The following CNTNAP5 variants were observed in gnomAD, a reference collection of about 807,000 sequenced individuals.
CNTNAP5 encodes contactin associated protein family member 5.
A neutral mutation model predicts 150.2 loss-of-function variants in CNTNAP5; 72 were observed. That is an observed-to-expected ratio of 0.48 (90% confidence interval 0.40 to 0.58). The LOEUF (loss-of-function observed/expected upper bound fraction) is 0.58, where lower values mean the gene tolerates loss of function less well. CNTNAP5 is among the 20% of genes least tolerant of loss of function. CNTNAP5 has a pLI of 0.00. For missense variants in CNTNAP5, 1,636 were observed against 1,626.2 expected, an observed-to-expected ratio of 1.01 and a Z score of -0.10; for synonymous variants, 672 against 619.8, an observed-to-expected ratio of 1.08 and a Z score of -1.25.
At chr2:124,609,246 A>G (rs1677318923) in intron 11 of CNTNAP5, among the ~76,000 whole-genome samples, 1 of 152,166 alleles carries the variant, frequency 6.6e-6, no homozygotes, top group African/African-American at 2.4e-5. Flanking sequence ...CCACATTTTG[A>G]GAGGCATTAC....
At chr2:124,040,709 C>A (rs1050137114) in intron 1 of CNTNAP5, among the ~76,000 whole-genome samples, 1 of 150,046 alleles carries the variant, frequency 6.7e-6, no homozygotes, top group Admixed American at 6.7e-5. Flanking sequence ...TGGTAGAGAG[C>A]TTTTAATATA....
chr2:124,555,868 G>T (rs1462768205), intron 10 of CNTNAP5, among the ~76,000 whole-genome samples: 7 of 152,184 alleles, frequency 4.6e-5, no homozygotes, highest in African/African-American at 1.7e-4. Context: ...TTTCCCATTG[G>T]GAATTTGTAG....
At chr2:124,388,141 A>G (rs1428602951) in intron 3 of CNTNAP5, among the ~76,000 whole-genome samples, 1 of 152,220 alleles carries the variant, frequency 6.6e-6, no homozygotes, top group Non-Finnish European at 1.5e-5. Flanking sequence ...TTAACTCCCC[A>G]TGCTTTCAGA....
At chr2:124,629,759 T>A (rs567846627) in intron 12 of CNTNAP5, among the ~76,000 whole-genome samples, 24 of 141,292 alleles carry the variant, frequency 1.7e-4, no homozygotes, top group Non-Finnish European at 2.4e-4. Flanking sequence ...AAATAATCAA[T>A]GGATCCAGGA....
chr2:124,281,766 C>T (rs1688017959), intron 3 of CNTNAP5, among the ~76,000 whole-genome samples: 1 of 152,046 alleles, frequency 6.6e-6, no homozygotes, highest in Admixed American at 6.6e-5. Flanking sequence ...TGTTGCTGAC[C>T]GACTACGGAA....
At chr2:124,181,003 G>A (rs571004379) in intron 1 of CNTNAP5, among the ~76,000 whole-genome samples, 2 of 151,652 alleles carry the variant, frequency 1.3e-5, no homozygotes, top group East Asian at 3.9e-4. Flanking sequence ...TTCTGTAAGA[G>A]AATGTGAAGG....
intron 1 of CNTNAP5, among the ~76,000 whole-genome samples, chr2:124,051,641 G>A (rs930757151): frequency 6.6e-6 from 1 of 152,158 alleles, no homozygotes; most frequent in Admixed American, 6.5e-5. Flanking sequence ...GTGGTGGTGG[G>A]GGCTTACATA....
At chr2:124,292,725 A>G (rs1312623744) in intron 3 of CNTNAP5, among the ~76,000 whole-genome samples, 3 of 152,108 alleles carry the variant, frequency 2.0e-5, no homozygotes, top group African/African-American at 7.2e-5. Context: ...GAAATATGTT[A>G]AAAACCTTAT....
intron 2 of CNTNAP5, among the ~76,000 whole-genome samples, chr2:124,240,548 A>T (rs1217561682): frequency 6.6e-6 from 1 of 152,196 alleles, no homozygotes; most frequent in Admixed American, 6.5e-5. Flanking sequence ...ACTATCTGCC[A>T]TAACTGCCAC....
At chr2:124,292,196 T>TA (rs942807137) in intron 3 of CNTNAP5, among the ~76,000 whole-genome samples, 24 of 152,278 alleles carry the variant, frequency 1.6e-4, no homozygotes, top group African/African-American at 5.3e-4. Context: ...CTCTTTTTTT[T>TA]ATTCCCATTC....
At chr2:124,526,463 A>G (rs1694970600) in intron 9 of CNTNAP5, among the ~76,000 whole-genome samples, 2 of 152,230 alleles carry the variant, frequency 1.3e-5, no homozygotes, top group Admixed American at 6.5e-5. Flanking sequence ...GGTTATTACC[A>G]TGGTTTCAAG....
intron 1 of CNTNAP5, among the ~76,000 whole-genome samples, chr2:124,164,888 T>C (rs1005244521): frequency 5.3e-5 from 8 of 152,138 alleles, no homozygotes; most frequent in Non-Finnish European, 8.8e-5. Context: ...CTTAAGCTAC[T>C]GGATGGGTGG....
chr2:124,833,050 C>T (rs1296779473), intron 19 of CNTNAP5, among the ~76,000 whole-genome samples: 1 of 151,814 alleles, frequency 6.6e-6, no homozygotes, highest in Non-Finnish European at 1.5e-5. Context: ...GCTGGGATTA[C>T]AGATGGACAC....
intron 11 of CNTNAP5, among the ~76,000 whole-genome samples, chr2:124,585,738 G>T (rs2104953795): frequency 7.2e-6 from 1 of 139,332 alleles, no homozygotes; most frequent in African/African-American, 2.7e-5. Flanking sequence ...TGGTTTCTGA[G>T]CCCCAACCTT....
At chr2:124,713,886 C>G (rs571305983) in intron 13 of CNTNAP5, among the ~76,000 whole-genome samples, 2 of 152,258 alleles carry the variant, frequency 1.3e-5, no homozygotes, top group South Asian at 4.1e-4. Flanking sequence ...CATCTCTCCT[C>G]CCTAGTTCAG....
chr2:124,659,062 C>T (rs1371453054), intron 13 of CNTNAP5, among the ~76,000 whole-genome samples: 1 of 152,202 alleles, frequency 6.6e-6, no homozygotes, highest in African/African-American at 2.4e-5. Context: ...TACTCACCAT[C>T]TCTAAGCCTC....
intron 14 of CNTNAP5, among the ~76,000 whole-genome samples, chr2:124,747,754 G>A (rs1315264016): frequency 6.8e-6 from 1 of 147,604 alleles, no homozygotes; most frequent in Non-Finnish European, 1.5e-5. Flanking sequence ...TGAGTAGCTG[G>A]GAGCAAAAGC....
chr2:124,171,188 C>T (rs1684924462), intron 1 of CNTNAP5, among the ~76,000 whole-genome samples: 1 of 152,160 alleles, frequency 6.6e-6, no homozygotes, highest in African/African-American at 2.4e-5. Flanking sequence ...TTTCAGATGT[C>T]CTGTTGGCTC....
At chr2:124,281,457 G>A (rs967143176) in intron 3 of CNTNAP5, among the ~76,000 whole-genome samples, 1 of 152,132 alleles carries the variant, frequency 6.6e-6, no homozygotes, top group Non-Finnish European at 1.5e-5. Flanking sequence ...ATATCTCATT[G>A]AGCATGGTCA....
Sources: gnomAD v4.1 joint callset for allele counts (sites outside exome capture counted in the v4.1 genomes callset) on GRCh38, gnomAD v4.1.1 for gene constraint, MANE v1.5 for transcripts, NCBI Gene and HGNC (gene_info 2026-07-23, HGNC 2026-07-21) for gene names.